The following RNF125 variants were observed in gnomAD, a reference collection of about 807,000 sequenced individuals.
RNF125 encodes ring finger protein 125.
Under a neutral mutation model 26.0 loss-of-function variants are expected in RNF125, and 21 were observed. The observed-to-expected ratio is 0.81, with a 90% confidence interval of 0.57 to 1.16. RNF125 has a LOEUF of 1.16. Ranked by LOEUF, RNF125 falls within the 50% of genes most tolerant of loss-of-function variation. The pLI is 0.00. For missense variants in RNF125, 270 were observed against 299.4 expected (o/e 0.90, Z 0.72); for synonymous variants, 95 against 109.2 (o/e 0.87, Z 0.81).
the RNF125 span, among the ~76,000 whole-genome samples, chr18:32,083,866 G>A: frequency 4.0e-5 from 6 of 151,150 alleles, no homozygotes; most frequent in Admixed American, 3.3e-4. Flanking sequence ...TTGTGCCACT[G>A]TACTACAGCC....
intron 4 of RNF125, among the ~76,000 whole-genome samples, chr18:32,061,150 A>G (rs975898859): frequency 6.6e-6 from 1 of 152,080 alleles, no homozygotes; most frequent in South Asian, 2.1e-4. Flanking sequence ...TCAGCCTCCC[A>G]AGTAGCTGGG....
chr18:32,086,889 C>G, the RNF125 span, among the ~76,000 whole-genome samples: 2 of 151,908 alleles, frequency 1.3e-5, no homozygotes, highest in African/African-American at 4.8e-5. Flanking sequence ...TGACCTCAAG[C>G]TATCCTTGTA....
rs184743523 is a variant in RNF125, at chr18:32,025,716, G to A, written c.164+6689G>A. Among the ~76,000 whole-genome samples the A allele has an allele frequency of 1.1e-4, 17 of 150,410 alleles. No homozygotes were observed. In the East Asian group the frequency reaches 3.1e-3, roughly 28 times the overall value. ...AGACAGAGGACCCCCAAAGAGGGGCGATTGGTGGCTTTTGTGTTTGTGTAT... is the reference window on the plus strand; with the variant it reads ...AGACAGAGGACCCCCAAAGAGGGGCAATTGGTGGCTTTTGTGTTTGTGTAT... On this transcript the variant is annotated intron_variant, in intron 1 of 5. Transcript: ENST00000217740.
intron 4 of RNF125, among the ~76,000 whole-genome samples, chr18:32,060,734 A>C (rs1196473705): frequency 1.3e-5 from 2 of 152,134 alleles, no homozygotes; most frequent in African/African-American, 4.8e-5. Context: ...TAATCTCCCA[A>C]TTTAAGAAAC....
intron 2 of RNF125, among the ~76,000 whole-genome samples, chr18:32,039,714 C>T (rs956443091): frequency 6.6e-6 from 1 of 151,732 alleles, no homozygotes; most frequent in Admixed American, 6.6e-5. Context: ...TGTGGAAATC[C>T]ACCACTCCCC....
At chr18:32,082,139 A>G in the RNF125 span, among the ~76,000 whole-genome samples, 1 of 152,236 alleles carries the variant, frequency 6.6e-6, no homozygotes, top group Admixed American at 6.5e-5. Flanking sequence ...CTCCTGGCAA[A>G]TCAAATAGGA....
At chr18:32,081,196 A>G in the RNF125 span, among the ~76,000 whole-genome samples, 1,404 of 151,472 alleles carry the variant, frequency 9.3e-3, 23 homozygotes, top group African/African-American at 0.032. Context: ...TACATCTGAA[A>G]AAAAAAAAAA....
intron 1 of RNF125, 120 bp from the exon 2 acceptor site, chr18:32,036,996 G>T: frequency 3.6e-6 from 3 of 826,132 alleles, no homozygotes; most frequent in Non-Finnish European, 5.7e-6. Flanking sequence ...CCTGTAATTT[G>T]GTAGTATGGC....
At chr18:32,085,373 CAG>C in the RNF125 span, among the ~76,000 whole-genome samples, 15,273 of 128,414 alleles carry the variant, frequency 0.12, 872 homozygotes, top group South Asian at 0.14. Context: ...CTGCCAGAAG[CAG>C]AGAGAGAGAG....
Position 32,042,167 on chromosome 18 carries a change from G to A in RNF125, c.319-12G>A. ...TTAACAGTGAGTTTATTTTGAATTT[G>A]TTTTTATGTAGGTTTGCCTCAGTGA... On this transcript the variant is annotated splice_polypyrimidine_tract_variant and intron_variant, in intron 2 of 5. Coordinates refer to ENST00000217740, the MANE Select transcript of RNF125 (RefSeq NM_017831.4). The A allele has an allele frequency of 6.3e-7, 1 of 1,596,774 alleles. No individual in the cohort carries two copies. Among genetic ancestry groups the A allele is most frequent in the Non-Finnish European group, 8.6e-7 (1 of 1,165,778 alleles).
intron 1 of RNF125, among the ~76,000 whole-genome samples, chr18:32,020,035 T>A (rs1484547847): frequency 3.5e-5 from 5 of 142,056 alleles, no homozygotes; most frequent in Admixed American, 1.4e-4. Context: ...TGTGTGTGTT[T>A]GAGAGAGAGA....
At chr18:32,042,802 A>G (rs1488246158) in intron 3 of RNF125, among the ~76,000 whole-genome samples, 1 of 150,426 alleles carries the variant, frequency 6.6e-6, no homozygotes, top group Non-Finnish European at 1.5e-5. Context: ...AGATGGAGGT[A>G]GCTGACAGAT....
At chr18:32,026,311 C>T (rs544405848) in intron 1 of RNF125, among the ~76,000 whole-genome samples, 1 of 143,272 alleles carries the variant, frequency 7.0e-6, no homozygotes, top group South Asian at 2.2e-4. Context: ...TGCAGTGGCC[C>T]GATCTGGGCT....
chr18:32,073,836 A>G (rs1344280860), downstream of RNF125, among the ~76,000 whole-genome samples: 3 of 152,218 alleles, frequency 2.0e-5, no homozygotes, highest in East Asian at 5.8e-4. Context: ...TACCTTCATC[A>G]TTTAGATTAT....
the RNF125 span, among the ~76,000 whole-genome samples, chr18:32,090,235 G>A: frequency 2.0e-5 from 3 of 152,200 alleles, no homozygotes. Flanking sequence ...GACAGAGTGA[G>A]ATTCTGTCTC....
the RNF125 span, among the ~76,000 whole-genome samples, chr18:32,081,135 A>G: frequency 6.7e-6 from 1 of 148,446 alleles, no homozygotes; most frequent in Non-Finnish European, 1.5e-5. Flanking sequence ...CAGAGGTTGC[A>G]GTGAGCCAAG....
At chr18:32,057,493 C>T (rs2039397122) in intron 4 of RNF125, among the ~76,000 whole-genome samples, 1 of 151,966 alleles carries the variant, frequency 6.6e-6, no homozygotes, top group Admixed American at 6.6e-5. Context: ...TGCCTCCACA[C>T]CTGGCTAATT....
At chr18:32,085,139 CTG>C in the RNF125 span, among the ~76,000 whole-genome samples, 2 of 152,108 alleles carry the variant, frequency 1.3e-5, no homozygotes, top group Non-Finnish European at 2.9e-5. Context: ...AGCTAGGAAA[CTG>C]GGACAGGGGC....
At chr18:32,040,822 G>C (rs944518750) in intron 2 of RNF125, among the ~76,000 whole-genome samples, 30 of 152,126 alleles carry the variant, frequency 2.0e-4, no homozygotes, top group African/African-American at 7.2e-4. Flanking sequence ...ACCAGCAAAA[G>C]TCATAAAGAC....
Sources: gnomAD v4.1 joint callset for allele counts (sites outside exome capture counted in the v4.1 genomes callset) on GRCh38, gnomAD v4.1.1 for gene constraint, MANE v1.5 for transcripts, NCBI Gene and HGNC (gene_info 2026-07-23, HGNC 2026-07-21) for gene names.